The following AMBRA1 variants were observed in gnomAD, a reference collection of about 807,000 sequenced individuals.
AMBRA1 encodes the protein activating molecule in BECN1-regulated autophagy protein 1.
In AMBRA1, 47 loss-of-function variants were observed where a neutral mutation model predicts 125.4. That is an observed-to-expected ratio of 0.37 (90% CI 0.30 to 0.48). AMBRA1 has a LOEUF of 0.48. AMBRA1 is among the 20% of genes least tolerant of loss of function. The probability of loss-of-function intolerance (pLI) is 0.99; values close to 1 mark genes in which losing one functional copy is unlikely to be tolerated. For synonymous variants in AMBRA1, 626 were observed against 655.5 expected (o/e 0.95, Z 0.69); for missense variants, 1,331 against 1,693.4 (o/e 0.79, Z 3.76).
intron 11 of AMBRA1, among the ~76,000 whole-genome samples, chr11:46,486,549 TAA>T (rs1208109051): frequency 2.6e-5 from 4 of 152,272 alleles, no homozygotes; most frequent in African/African-American, 9.6e-5. Context: ...CTCCTGAAAG[TAA>T]TTCCCTAAGG....
intron 17 of AMBRA1, among the ~76,000 whole-genome samples, chr11:46,407,860 G>T (rs1946098003): frequency 6.6e-6 from 1 of 152,166 alleles, no homozygotes; most frequent in African/African-American, 2.4e-5. Flanking sequence ...TGGAGGTAGG[G>T]GGTGAGGATA....
intron 14 of AMBRA1, among the ~76,000 whole-genome samples, chr11:46,426,284 G>A (rs1011690959): frequency 6.6e-6 from 1 of 152,128 alleles, no homozygotes; most frequent in African/African-American, 2.4e-5. Flanking sequence ...GGAAGCAAAC[G>A]TTGCATGCCT....
chr11:46,405,784 T>C (rs1300173225), intron 17 of AMBRA1, among the ~76,000 whole-genome samples: 2 of 152,022 alleles, frequency 1.3e-5, no homozygotes, highest in African/African-American at 2.4e-5. Flanking sequence ...CAGGCTGGAG[T>C]GCAGTGGCAT....
chr11:46,477,535 TCTCA>T (rs537053542), intron 11 of AMBRA1, among the ~76,000 whole-genome samples: 2 of 150,972 alleles, frequency 1.3e-5, no homozygotes, highest in South Asian at 2.1e-4. Context: ...AGAGATGAGC[TCTCA>T]CTATGTTGCC....
In AMBRA1 at chr11:46,499,861, G is replaced by C. The variant is rs370089540; in HGVS notation, c.2340-5657C>G. 6.6e-5 allele frequency among the ~76,000 whole-genome samples: 10 copies of C among 152,138 alleles called. No homozygotes were observed. The South Asian group carries it at 2.1e-3, about 32-fold the overall frequency. On this transcript the variant is annotated intron_variant, in intron 9 of 17. Coordinates refer to ENST00000683756, the MANE Select transcript of AMBRA1 (RefSeq NM_001387011.1). ...AGACAGATGGGGTTTCACCATCTTG[G>C]CCAGGCTAGTCTTGAACTCCTGACC...
chr11:46,587,842 C>CAA (rs1481220417), intron 1 of AMBRA1, among the ~76,000 whole-genome samples: 3 of 152,188 alleles, frequency 2.0e-5, no homozygotes, highest in Non-Finnish European at 4.4e-5. Context: ...GCTAGATGAA[C>CAA]AAACATCTTC....
chr11:46,453,750 T>C (rs1372366728), intron 11 of AMBRA1, among the ~76,000 whole-genome samples: 1 of 152,166 alleles, frequency 6.6e-6, no homozygotes, highest in East Asian at 1.9e-4. Context: ...ACCACGTGGC[T>C]GTCTATAATT....
intron 11 of AMBRA1, among the ~76,000 whole-genome samples, chr11:46,464,772 C>A (rs887695950): frequency 1.3e-5 from 2 of 151,850 alleles, no homozygotes; most frequent in Non-Finnish European, 2.9e-5. Flanking sequence ...CAAGGCCGGG[C>A]GCAGTGGCTC....
chr11:46,542,557 G>C lies in AMBRA1; in HGVS notation c.1460C>G (p.Ser487Cys). ...AATGCTGCCCGAGTTGTTTTGGCTG[G>C]AGCCATTCCCTCCATCTGACTCAGT... ...LATESDGGNGSSQNNSGSIRH... is the reference protein window; with the variant it reads ...LATESDGGNGCSQNNSGSIRH... The change falls in exon 7 of 18, where the codon TCC becomes TGC. Residue 487 changes from serine (S) to cysteine (C), a missense_variant. Ser to Cys is a moderately radical substitution (Grantham distance 112). This residue lies in a region of AMBRA1 where 689 missense variants were observed against 776.5 expected (regional missense o/e 0.89). Transcript: ENST00000683756. This position sits in a 1 kb window ranked among gnomAD's most constrained non-coding sequence, Gnocchi z 5.9. 1.9e-6 allele frequency: 3 copies of C among 1,613,268 alleles called. No individual in the cohort carries two copies. Among genetic ancestry groups the C allele is most frequent in the Non-Finnish European group, 1.7e-6 (2 of 1,180,022 alleles).
intron 1 of AMBRA1, among the ~76,000 whole-genome samples, chr11:46,562,637 T>C (rs1469659511): frequency 1.3e-5 from 2 of 152,206 alleles, no homozygotes; most frequent in Non-Finnish European, 2.9e-5. Flanking sequence ...GGTTCTACTA[T>C]ATGTGTTATG....
At chr11:46,587,686 T>C (rs185053812) in intron 1 of AMBRA1, among the ~76,000 whole-genome samples, 2 of 152,314 alleles carry the variant, frequency 1.3e-5, no homozygotes, top group Middle Eastern at 3.4e-3. Flanking sequence ...CCTTGTTTAT[T>C]TCCTTCAGAA....
At chr11:46,546,582 G>A (rs1315572564) in intron 4 of AMBRA1, among the ~76,000 whole-genome samples, 1 of 149,766 alleles carries the variant, frequency 6.7e-6, no homozygotes, top group Admixed American at 6.7e-5. Context: ...GTTCATCTTA[G>A]CAAGAATGGA....
chr11:46,549,191 C>T (rs536782121), intron 1 of AMBRA1: 4 of 152,072 alleles, frequency 2.6e-5, no homozygotes, highest in Non-Finnish European at 5.9e-5. Flanking sequence ...ACTAGCAGCA[C>T]AATACACACA....
At chr11:46,424,783 T>A (rs1217657272) in intron 14 of AMBRA1, among the ~76,000 whole-genome samples, 1 of 152,024 alleles carries the variant, frequency 6.6e-6, no homozygotes, top group East Asian at 1.9e-4. Context: ...AAATTTACAG[T>A]GGGCTATGAT....
intron 8 of AMBRA1, among the ~76,000 whole-genome samples, chr11:46,509,459 T>A (rs2135042055): frequency 6.6e-6 from 1 of 152,292 alleles, no homozygotes; most frequent in African/African-American, 2.4e-5. Flanking sequence ...AGAAACTTTA[T>A]CCTACAGAAA....
intron 9 of AMBRA1, among the ~76,000 whole-genome samples, chr11:46,503,736 G>A (rs1950928710): frequency 1.3e-5 from 2 of 152,186 alleles, no homozygotes; most frequent in Admixed American, 1.3e-4. Flanking sequence ...TAAATTAACA[G>A]ACCTAAAGAG....
intron 9 of AMBRA1, among the ~76,000 whole-genome samples, chr11:46,496,409 A>G (rs1000443045): frequency 6.6e-6 from 1 of 152,112 alleles, no homozygotes; most frequent in African/African-American, 2.4e-5. Context: ...AAAATAGAAA[A>G]TAAAGCTAGA....
chr11:46,464,836 A>C (rs538983498), intron 11 of AMBRA1, among the ~76,000 whole-genome samples: 1 of 151,878 alleles, frequency 6.6e-6, no homozygotes, highest in Admixed American at 6.6e-5. Context: ...CACGAGGTCA[A>C]GAGTTTGAGA....
chr11:46,502,796 C>T (rs1410027715), intron 9 of AMBRA1, among the ~76,000 whole-genome samples: 1 of 152,084 alleles, frequency 6.6e-6, no homozygotes, highest in African/African-American at 2.4e-5. Context: ...TGTGGTGGCT[C>T]ACGCCTGTAA....
Sources: allele counts gnomAD v4.1 joint callset (sites outside exome capture counted in the v4.1 genomes callset), GRCh38; gene constraint gnomAD v4.1.1; regional missense constraint gnomAD v4.1.1; non-coding constraint Gnocchi (gnomAD v3.1); transcripts MANE v1.5; gene names NCBI Gene and HGNC (gene_info 2026-07-23, HGNC 2026-07-21).